Variants in TENM3 observed in about 807,000 individuals in gnomAD.
TENM3 encodes teneurin transmembrane protein 3.
A neutral mutation model predicts 255.1 loss-of-function variants in TENM3; 63 were observed. The ratio of observed to expected loss-of-function variants is 0.25; its 90% CI spans 0.20 to 0.30. The LOEUF is 0.30. Ranked by LOEUF, TENM3 falls within the 10% of genes least tolerant of loss-of-function variation. The probability of loss-of-function intolerance (pLI) is 1.00; values close to 1 mark genes in which losing one functional copy is unlikely to be tolerated. For missense variants in TENM3, 2,929 were observed against 3,461.1 expected, an observed-to-expected ratio of 0.85 and a Z score of 3.86; for synonymous variants, 1,306 against 1,322.3, an observed-to-expected ratio of 0.99 and a Z score of 0.27.
the TENM3 span, among the ~76,000 whole-genome samples, chr4:181,502,919 C>T: frequency 6.6e-6 from 1 of 152,212 alleles, no homozygotes; most frequent in Admixed American, 6.5e-5. Context: ...TTTTGGCATT[C>T]GTCATAATTT....
chr4:182,642,818 G>C (rs997122524), intron 5 of TENM3, among the ~76,000 whole-genome samples: 1 of 152,160 alleles, frequency 6.6e-6, no homozygotes, highest in African/African-American at 2.4e-5. Context: ...ATGACAACTA[G>C]AGTGCATATT....
chr4:181,805,859 C>T, the TENM3 span, among the ~76,000 whole-genome samples: 2 of 152,118 alleles, frequency 1.3e-5, no homozygotes, highest in African/African-American at 4.8e-5. Context: ...CATAAACTTT[C>T]TAATCCTGAC....
chr4:181,792,785 G>C, the TENM3 span, among the ~76,000 whole-genome samples: 1 of 152,032 alleles, frequency 6.6e-6, no homozygotes. Flanking sequence ...TTTTACTGGA[G>C]AGCTTGCAAT....
the TENM3 span, among the ~76,000 whole-genome samples, chr4:181,599,303 C>T: frequency 9.4e-3 from 1,430 of 152,166 alleles, 20 homozygotes; most frequent in African/African-American, 0.033. Context: ...CAAAGAGAGA[C>T]GATTTCAGTG....
At chr4:182,295,951 AT>A (rs532807461) in intron 1 of TENM3, among the ~76,000 whole-genome samples, 1 of 151,976 alleles carries the variant, frequency 6.6e-6, no homozygotes, top group Non-Finnish European at 1.5e-5. Flanking sequence ...CATTATTATT[AT>A]TTTTTTATTT....
intron 3 of TENM3, among the ~76,000 whole-genome samples, chr4:182,579,380 A>G (rs998404322): frequency 3.3e-5 from 5 of 152,228 alleles, no homozygotes; most frequent in Non-Finnish European, 5.9e-5. Flanking sequence ...AGGAAAGAAC[A>G]TAACCAAATA....
the TENM3 span, among the ~76,000 whole-genome samples, chr4:181,871,054 T>G: frequency 6.6e-6 from 1 of 152,084 alleles, no homozygotes; most frequent in African/African-American, 2.4e-5. Context: ...CTTTTGAATT[T>G]TAGTGAACGT....
At chr4:182,241,849 G>T (rs921493492), upstream of TENM3, among the ~76,000 whole-genome samples, 2 of 151,948 alleles carry the variant, frequency 1.3e-5, no homozygotes, top group East Asian at 1.9e-4. Context: ...AATGCACAAG[G>T]CTTGACCGTT....
chr4:181,503,972 A>G, the TENM3 span, among the ~76,000 whole-genome samples: 5 of 152,136 alleles, frequency 3.3e-5, no homozygotes, highest in Admixed American at 3.3e-4. Flanking sequence ...TTCCTAAGTG[A>G]CAGCAGCATT....
At chr4:182,575,183 A>G (rs888639492) in intron 3 of TENM3, among the ~76,000 whole-genome samples, 2 of 152,178 alleles carry the variant, frequency 1.3e-5, no homozygotes, top group African/African-American at 4.8e-5. Context: ...TATCAATGTG[A>G]TTATCCTGGT....
At chr4:181,880,217 T>C in the TENM3 span, among the ~76,000 whole-genome samples, 1 of 152,184 alleles carries the variant, frequency 6.6e-6, no homozygotes, top group South Asian at 2.1e-4. Context: ...TGATATCCAC[T>C]GATAACCTAT....
At chr4:182,721,060 G>T (rs1363373272) in intron 13 of TENM3, among the ~76,000 whole-genome samples, 3 of 152,140 alleles carry the variant, frequency 2.0e-5, no homozygotes, top group East Asian at 3.9e-4. Context: ...GAGCCACCAC[G>T]CCCGGCCTAA....
the TENM3 span, among the ~76,000 whole-genome samples, chr4:181,550,798 G>A: frequency 6.6e-6 from 1 of 152,168 alleles, no homozygotes; most frequent in African/African-American, 2.4e-5. Context: ...GAGAGACTAA[G>A]TAACGGTCCC....
chr4:181,690,163 G>A, the TENM3 span, among the ~76,000 whole-genome samples: 1 of 152,086 alleles, frequency 6.6e-6, no homozygotes, highest in Non-Finnish European at 1.5e-5. Flanking sequence ...TTCGGGGACT[G>A]ATGTGTCAGT....
the TENM3 span, among the ~76,000 whole-genome samples, chr4:181,840,696 T>G: frequency 9.4e-4 from 143 of 152,218 alleles, no homozygotes; most frequent in East Asian, 1.4e-3. Flanking sequence ...GCTAATTATT[T>G]ACCCCCTTAG....
chr4:181,557,946 G>A, the TENM3 span, among the ~76,000 whole-genome samples: 169 of 152,316 alleles, frequency 1.1e-3, 4 homozygotes, highest in Admixed American at 2.6e-4. Context: ...CAGGTCTATC[G>A]AAGCCTAAAG....
intron 1 of TENM3, among the ~76,000 whole-genome samples, chr4:182,274,677 G>C (rs1255991060): frequency 6.6e-6 from 1 of 152,148 alleles, no homozygotes; most frequent in East Asian, 1.9e-4. Context: ...CCAAATTAAA[G>C]CTGAGGTCAT....
chr4:181,717,141 G>T, the TENM3 span, among the ~76,000 whole-genome samples: 1 of 152,130 alleles, frequency 6.6e-6, no homozygotes, highest in East Asian at 1.9e-4. Context: ...AGGAATTTAT[G>T]CAGACAAGAT....
the TENM3 span, among the ~76,000 whole-genome samples, chr4:181,923,354 G>A: frequency 6.6e-6 from 1 of 152,042 alleles, no homozygotes; most frequent in African/African-American, 2.4e-5. Flanking sequence ...GAAAAGAGTT[G>A]GGGACCAGTT....
Sources: allele counts gnomAD v4.1 joint callset (sites outside exome capture counted in the v4.1 genomes callset), GRCh38; gene constraint gnomAD v4.1.1; transcripts MANE v1.5; gene names NCBI Gene and HGNC (gene_info 2026-07-23, HGNC 2026-07-21).